Variants in LHX6 observed in about 807,000 individuals in gnomAD.
LHX6 encodes LIM/homeobox protein Lhx6.
Under a neutral mutation model 47.1 loss-of-function variants are expected in LHX6, and 15 were observed. The ratio of observed to expected loss-of-function variants is 0.32; its 90% confidence interval spans 0.21 to 0.49. The LOEUF (loss-of-function observed/expected upper bound fraction) is 0.49, where lower values mean the gene tolerates loss of function less well. LHX6 is among the 20% of genes least tolerant of loss of function. The pLI is 0.99. For synonymous variants in LHX6, 242 were observed against 233.5 expected, an observed-to-expected ratio of 1.04 and a Z score of -0.33; for missense variants, 404 against 539.6, an observed-to-expected ratio of 0.75 and a Z score of 2.49.
intron 1 of LHX6, 152 bp downstream of exon 1, chr9:122,228,505 G>T (rs1367958074): frequency 2.2e-6 from 3 of 1,358,554 alleles, no homozygotes; most frequent in African/African-American, 3.8e-5. Context: ...CCCCGCTCGC[G>T]CGCGCGCTCC....
chr9:122,209,171 C>A (rs1008278474), intron 9 of LHX6, among the ~76,000 whole-genome samples: 4 of 152,244 alleles, frequency 2.6e-5, no homozygotes, highest in Non-Finnish European at 5.9e-5. Context: ...AATCCTGGCT[C>A]CACAGAGGAG....
At chr9:122,212,663 T>A (rs926698395) in intron 8 of LHX6, among the ~76,000 whole-genome samples, 1 of 152,072 alleles carries the variant, frequency 6.6e-6, no homozygotes, top group African/African-American at 2.4e-5. Flanking sequence ...CCTCCCTCAC[T>A]CCTCCAGGTT....
intron 4 of LHX6, among the ~76,000 whole-genome samples, chr9:122,225,524 G>A (rs1000891316): frequency 3.9e-5 from 6 of 152,262 alleles, no homozygotes; most frequent in Admixed American, 2.6e-4. Flanking sequence ...GGCTGCTCTC[G>A]GCTGCTGGAC....
chr9:122,226,549 C>T lies in LHX6; in HGVS notation c.340-52G>A, dbSNP rs1008318557. The T allele has an allele frequency of 1.6e-5, 26 of 1,583,436 alleles. No individual in the cohort carries two copies. The highest frequency in any genetic ancestry group is 3.7e-4 in the Middle Eastern group (2 of 5,344). Reference sequence around the variant, plus strand: ...GGCTCAGCGCGGGCCTCTTTCACTCCGGGCCCCAGCCTTCCCGGTCTCATT... The same window carrying T: ...GGCTCAGCGCGGGCCTCTTTCACTCTGGGCCCCAGCCTTCCCGGTCTCATT... On this transcript the variant is annotated intron_variant, in intron 3 of 9. Coordinates refer to ENST00000394319, the MANE Select transcript of LHX6 (RefSeq NM_014368.5). This position sits in a 1 kb window ranked among gnomAD's most constrained non-coding sequence, Gnocchi z 6.5.
In LHX6 at chr9:122,214,222, G is replaced by A. The variant is rs1830507662; in HGVS notation, c.783+61C>T. ...CCGAGGGGCGGAGCCAGGAGACATT[G>A]TCGGCCCCGCCCACTTTCGGCCCGG... On this transcript the variant is annotated intron_variant, in intron 6 of 9. Transcript: ENST00000394319. This position sits in a 1 kb window ranked among gnomAD's most constrained non-coding sequence, Gnocchi z 4.6. 1.6e-6 allele frequency: 2 copies of A among 1,217,490 alleles called. No individual in the cohort carries two copies. The highest frequency in any genetic ancestry group is 2.3e-6 in the Non-Finnish European group (2 of 887,782). 75.4% of individuals were successfully genotyped at this position (1,217,490 alleles called of 1,614,324 possible). A position where few individuals can be genotyped will look rare whatever the true frequency, so the allele number is the denominator to read the frequency against.
intron 1 of LHX6, chr9:122,227,794 A>C: frequency 2.6e-6 from 1 of 388,056 alleles, no homozygotes; most frequent in Non-Finnish European, 4.5e-6. Context: ...CACACACACA[A>C]ACTACCTGCA....
rs776502085 is a variant in LHX6, at chr9:122,214,002, A to T, written c.851T>A (p.Met284Lys). ...GATGACTCTCCGGCTGAGGCCCGTC[A>T]TGTCCGCCAGCTTCTGCAGCGTCTG... ...DAQTLQKLADMTGLSRRVIQV... is the reference protein window; with the variant it reads ...DAQTLQKLADKTGLSRRVIQV... The change falls in exon 7 of 10, where the codon ATG becomes AAG. Residue 284 changes from methionine (M) to lysine (K), a missense_variant. Met to Lys is a moderately conservative substitution (Grantham distance 95). Transcript: ENST00000394319. This position sits in a 1 kb window ranked among gnomAD's most constrained non-coding sequence, Gnocchi z 4.6. 1 of 1,553,244 alleles carries T rather than the reference A, an allele frequency of 6.4e-7. No homozygotes were observed. The highest frequency in any genetic ancestry group is 8.7e-7 in the Non-Finnish European group (1 of 1,154,370).
rs760564270 is a variant in LHX6 at position 122,228,339 on chromosome 9, G to T, written c.84+318C>A. On this transcript the variant is annotated intron_variant, in intron 1 of 9. Transcript: ENST00000394319. ...GCGTCGGGATTCTCAGCGCTGCGCC[G>T]GCACAACCCCCGGCGCATCGGCGCT... The T allele has an allele frequency of 2.7e-5, 42 of 1,533,242 alleles. No homozygotes were observed. The South Asian group carries it at 4.9e-4, about 18-fold the overall frequency. 95.0% of individuals were successfully genotyped at this position (1,533,242 alleles called of 1,614,324 possible). A position where few individuals can be genotyped will look rare whatever the true frequency, so the allele number is the denominator to read the frequency against.
In LHX6 at chr9:122,226,393, G is replaced by A. The variant is rs1050636475; in HGVS notation, c.444C>T (p.Cys148=). Residue 148 remains cysteine, a synonymous_variant, in exon 4 of 10, where the codon TGC becomes TGT. Transcript: ENST00000394319. The surrounding 1 kb of genome is among the most constrained non-coding windows in gnomAD (Gnocchi z 6.5). Reference sequence around the variant, plus strand: ...CAGCCTACCTGAAGTAGTCCATCTTGCAGAAGATCTCCTTGTTCTTGATGT... The same window carrying A: ...CAGCCTACCTGAAGTAGTCCATCTTACAGAAGATCTCCTTGTTCTTGATGT... The part of the protein sequence containing the change: ...SCYIKNKEIF[C]KMDYFSRFGT... 46 of 1,613,438 alleles carry A rather than the reference G, an allele frequency of 2.9e-5. No homozygotes were observed. Among genetic ancestry groups the A allele is most frequent in the Non-Finnish European group, 3.6e-5 (43 of 1,179,810 alleles).
At chr9:122,222,833 C>T (rs1251738778) in intron 4 of LHX6, among the ~76,000 whole-genome samples, 1 of 152,220 alleles carries the variant, frequency 6.6e-6, no homozygotes, top group Non-Finnish European at 1.5e-5. Flanking sequence ...TCCATGCTCC[C>T]CCTCCATGGG....
Position 122,226,595 on chromosome 9 carries a change from C to G in LHX6, c.340-98G>C. 2.0e-6 allele frequency: 3 copies of G among 1,514,058 alleles called. No homozygotes were observed. The highest frequency in any genetic ancestry group is 2.7e-6 in the Non-Finnish European group (3 of 1,128,350). The allele number at this position is 1,514,058 out of a possible 1,614,324, so 93.8% of individuals were successfully genotyped here. ...TCATTTACAGTCAGAGGCGCTGAAG[C>G]TCAGAAGGTGCATGCGATTCCCCTA... On this transcript the variant is annotated intron_variant, in intron 3 of 9. Coordinates refer to ENST00000394319, the MANE Select transcript of LHX6 (RefSeq NM_014368.5). The surrounding 1 kb of genome is among the most constrained non-coding windows in gnomAD (Gnocchi z 6.5).
intron 4 of LHX6, among the ~76,000 whole-genome samples, chr9:122,223,849 T>C (rs1830977660): frequency 6.6e-6 from 1 of 152,068 alleles, no homozygotes. Flanking sequence ...TTTGGGCAAG[T>C]AGTGAATAAG....
chr9:122,215,816 G>C (rs1443895682), intron 5 of LHX6, among the ~76,000 whole-genome samples: 4 of 152,180 alleles, frequency 2.6e-5, no homozygotes, highest in African/African-American at 9.7e-5. Flanking sequence ...TCCCTGACTA[G>C]TCTCCAGGCT....
chr9:122,220,225 C>G (rs1490967267), intron 4 of LHX6, among the ~76,000 whole-genome samples: 1 of 152,248 alleles, frequency 6.6e-6, no homozygotes, highest in Admixed American at 6.5e-5. Flanking sequence ...AGTGAACTCT[C>G]AGCAACTTTC....
rs1251159629 is a variant in LHX6, at chr9:122,203,491, T to C, written c.*1269A>G. 6.6e-6 allele frequency: 1 copy of C among 152,666 alleles called. No individual in the cohort carries two copies. Among genetic ancestry groups the C allele is most frequent in the East Asian group, 1.9e-4 (1 of 5,202 alleles). The allele number at this position is 152,666 out of a possible 1,614,324, so 9.5% of individuals were successfully genotyped here. ...AATGCATCAGGACACCAGGTAATTCTAGAATTACAGGATAAGCTTGGGACA... is the reference window on the plus strand; with the variant it reads ...AATGCATCAGGACACCAGGTAATTCCAGAATTACAGGATAAGCTTGGGACA... On this transcript the variant is annotated 3_prime_UTR_variant, in exon 10 of 10. Transcript: ENST00000394319.
At chr9:122,220,320 C>T (rs1454437457) in intron 4 of LHX6, among the ~76,000 whole-genome samples, 1 of 152,214 alleles carries the variant, frequency 6.6e-6, no homozygotes. Flanking sequence ...GCTCAGTTTA[C>T]GAAATCGTCC....
In LHX6 at chr9:122,217,144, G is replaced by T. The variant is rs746525707; in HGVS notation, c.606C>A (p.Gly202=). 11 of 1,614,134 alleles carry T rather than the reference G, an allele frequency of 6.8e-6. 1 individual carries two copies. The South Asian group carries it at 1.1e-4, about 16-fold the overall frequency. The change falls in exon 5 of 10, where the codon GGC becomes GGA. Residue 202 remains glycine (G), a synonymous_variant. Coordinates refer to ENST00000394319, the MANE Select transcript of LHX6 (RefSeq NM_014368.5). This position sits in a 1 kb window ranked among gnomAD's most constrained non-coding sequence, Gnocchi z 4.9. The stretch of plus-strand genomic sequence containing the variant: ...GGCAGAGCACCTTCTCCTCGACCAG[G>T]CCGAACTCCTCACCAGTGGACAGCT... ...KRQLSTGEEF[G]LVEEKVLCRI...
chr9:122,208,952 G>A (rs562245318), intron 9 of LHX6, among the ~76,000 whole-genome samples: 1 of 152,082 alleles, frequency 6.6e-6, no homozygotes, highest in South Asian at 2.1e-4. Flanking sequence ...TGGCTTTCGA[G>A]GCTAACTGTG....
At chr9:122,228,608 C>T (rs1268344818) in intron 1 of LHX6, 49 bp downstream of exon 1, 1 of 1,323,960 alleles carries the variant, frequency 7.6e-7, no homozygotes, top group Non-Finnish European at 9.6e-7. Flanking sequence ...GGTCCCGGAC[C>T]CTGCCCGACC....
Sources: gnomAD v4.1 joint callset for allele counts (sites outside exome capture counted in the v4.1 genomes callset) on GRCh38, gnomAD v4.1.1 for gene constraint, Gnocchi (gnomAD v3.1) non-coding constraint, MANE v1.5 for transcripts, NCBI Gene and HGNC (gene_info 2026-07-23, HGNC 2026-07-21) for gene names.